ACACA: variants seen among roughly 807,000 people sequenced by gnomAD.
ACACA encodes acetyl-CoA carboxylase alpha.
Under a neutral mutation model 296.1 loss-of-function variants are expected in ACACA, and 103 were observed. The observed-to-expected ratio is 0.35, with a 90% CI of 0.30 to 0.41. ACACA has a LOEUF of 0.41. ACACA is among the 10% of genes least tolerant of loss of function. The pLI is 1.00. For missense variants in ACACA, 1,554 were observed against 2,989.7 expected, an observed-to-expected ratio of 0.52 and a Z score of 11.20; for synonymous variants, 953 against 1,038.6, an observed-to-expected ratio of 0.92 and a Z score of 1.58.
intron 50 of ACACA, among the ~76,000 whole-genome samples, chr17:37,119,286 G>A (rs2074404735): frequency 6.6e-6 from 1 of 151,466 alleles, no homozygotes; most frequent in Admixed American, 6.6e-5. Context: ...CATTTTTCTT[G>A]TCTCTGTGAA....
At chr17:37,214,064 A>C (rs1380630616) in intron 29 of ACACA, among the ~76,000 whole-genome samples, 1 of 152,192 alleles carries the variant, frequency 6.6e-6, no homozygotes, top group Non-Finnish European at 1.5e-5. Flanking sequence ...TCAAGCTGTG[A>C]CTGAAAGCCA....
At chr17:37,331,057 C>T (rs917921238) in intron 2 of ACACA, among the ~76,000 whole-genome samples, 6 of 151,808 alleles carry the variant, frequency 4.0e-5, no homozygotes, top group Non-Finnish European at 7.4e-5. Flanking sequence ...ACTATAGGCA[C>T]GTGCCACCAT....
At chr17:37,132,727 T>G (rs1180997739) in intron 45 of ACACA, among the ~76,000 whole-genome samples, 1 of 152,148 alleles carries the variant, frequency 6.6e-6, no homozygotes, top group Non-Finnish European at 1.5e-5. Flanking sequence ...CTTAGAATCT[T>G]ACACATCTCC....
chr17:37,399,710 G>A (rs1448723049), intron 1 of ACACA, among the ~76,000 whole-genome samples: 10 of 152,108 alleles, frequency 6.6e-5, no homozygotes, highest in Admixed American at 4.6e-4. Flanking sequence ...AGAAGAGATG[G>A]GTAACGAAGG....
rs370349072 is a variant in ACACA, at chr17:37,248,715, A to T, written c.2082-41T>A. On this transcript the variant is annotated intron_variant, in intron 16 of 55. Coordinates refer to ENST00000616317, the MANE Select transcript of ACACA (RefSeq NM_198834.3). ...GAGAGGAACTTACTACAAAGTTCTA[A>T]CAGTTATAAGAGAATCTAAAACATT... is the stretch of plus-strand genomic sequence containing the variant. 1.2e-3 allele frequency: 1,617 copies of T among 1,391,450 alleles called. 19 individuals carry two copies. The South Asian group carries it at 0.018, about 15-fold the overall frequency. 86.2% of individuals were successfully genotyped at this position (1,391,450 alleles called of 1,614,324 possible). A position where few individuals can be genotyped will look rare whatever the true frequency, so the allele number is the denominator to read the frequency against.
Position 37,087,394 on chromosome 17 carries a change from ATGGATGATGG to A in ACACA, c.7064_7073del (p.Ser2355LeufsTer2). 1 of 1,614,092 alleles carries A rather than the reference ATGGATGATGG, an allele frequency of 6.2e-7. No homozygotes were observed. The highest frequency in any genetic ancestry group is 8.5e-7 in the Non-Finnish European group (1 of 1,180,014). On this transcript the variant is annotated frameshift_variant, in exon 56 of 56. Coordinates refer to ENST00000616317, the MANE Select transcript of ACACA (RefSeq NM_198834.3). LOFTEE classifies it high-confidence loss of function. ...GAGTGGGTGATATGTGCTGCGTCAT[ATGGATGATGG>A]AATCCATGGCAACCTCTGGATTGGC... is the stretch of plus-strand genomic sequence containing the variant.
chr17:37,403,031 C>A (rs1268783494), intron 1 of ACACA, among the ~76,000 whole-genome samples: 1 of 152,204 alleles, frequency 6.6e-6, no homozygotes, highest in East Asian at 1.9e-4. Context: ...TGAGGATACA[C>A]TTCAGAGCAC....
intron 1 of ACACA, chr17:37,377,990 A>C: frequency 1.2e-6 from 2 of 1,604,656 alleles, no homozygotes; most frequent in Non-Finnish European, 1.7e-6. Flanking sequence ...CTTTCTGGAA[A>C]ATGATATTGC....
intron 3 of ACACA, among the ~76,000 whole-genome samples, chr17:37,294,776 A>G (rs529749990): frequency 8.5e-5 from 13 of 152,310 alleles, no homozygotes; most frequent in Admixed American, 2.6e-4. Flanking sequence ...TCCCCTTTGG[A>G]GAAGTTGAGG....
chr17:37,386,017 C>T, intron 1 of ACACA: 1 of 1,583,418 alleles, frequency 6.3e-7, no homozygotes, highest in Non-Finnish European at 8.6e-7. Context: ...AGCTTTTTTA[C>T]CAGGGATCTC....
chr17:37,114,930 G>A (rs1370683690), intron 50 of ACACA, among the ~76,000 whole-genome samples: 3 of 152,198 alleles, frequency 2.0e-5, no homozygotes, highest in African/African-American at 7.2e-5. Context: ...GTAGTTACTG[G>A]CAAATTAAAC....
chr17:37,216,575 A>C (rs986842267), intron 29 of ACACA, among the ~76,000 whole-genome samples: 12 of 152,228 alleles, frequency 7.9e-5, no homozygotes, highest in African/African-American at 2.9e-4. Context: ...TAGTCGAATT[A>C]TACCAAAAAA....
chr17:37,144,036 C>CT (rs1469445952), intron 45 of ACACA: 14 of 771,252 alleles, frequency 1.8e-5, no homozygotes, highest in African/African-American at 1.7e-4. Context: ...CCCTGAACTT[C>CT]TTTTTTGTCT....
chr17:37,406,114 GA>G lies in ACACA; in HGVS notation c.38+147del. 3 of 845,394 alleles carry G rather than the reference GA, an allele frequency of 3.5e-6. No individual in the cohort carries two copies. The South Asian group carries it at 4.3e-5, about 12-fold the overall frequency. 52.4% of individuals were successfully genotyped at this position (845,394 alleles called of 1,614,324 possible). ...TAGATTTCTTCACCTGGAAAATAGG[GA>G]TAACAACAGGTGCCTACCTCACAAG... On this transcript the variant is annotated intron_variant, in intron 1 of 55. Transcript: ENST00000616317.
intron 35 of ACACA, among the ~76,000 whole-genome samples, chr17:37,197,898 TAC>T (rs911320547): frequency 2.6e-5 from 4 of 152,250 alleles, no homozygotes; most frequent in African/African-American, 9.6e-5. Flanking sequence ...CAGCTTTTCC[TAC>T]ACTCATGACA....
chr17:37,208,389 T>C (rs532548678), intron 30 of ACACA, among the ~76,000 whole-genome samples: 3 of 152,342 alleles, frequency 2.0e-5, no homozygotes, highest in South Asian at 4.1e-4. Context: ...AAAGGAACTT[T>C]ACTGAGGAAT....
intron 41 of ACACA, among the ~76,000 whole-genome samples, chr17:37,168,444 T>C (rs2144612011): frequency 6.6e-6 from 1 of 152,160 alleles, no homozygotes. Flanking sequence ...AACTACCAAA[T>C]ACTCTTCACT....
chr17:37,290,646 G>C (rs899400505), intron 3 of ACACA, among the ~76,000 whole-genome samples: 2 of 152,112 alleles, frequency 1.3e-5, no homozygotes, highest in African/African-American at 4.8e-5. Context: ...ACTGCCTCAA[G>C]TTAACCTGCA....
chr17:37,330,135 GA>G lies in ACACA; in HGVS notation c.338+37del, dbSNP rs2047806629. The stretch of plus-strand genomic sequence containing the variant: ...AGAACATAATCAGCAAAACTAACAA[GA>G]CAGATTAAATAAGTAGACCATTGAA... On this transcript the variant is annotated intron_variant, in intron 3 of 55. Transcript: ENST00000616317. The G allele has an allele frequency of 1.9e-6, 3 of 1,612,386 alleles. No homozygotes were observed. In the South Asian group the frequency reaches 3.3e-5, roughly 18 times the overall value.
Sources: allele counts gnomAD v4.1 joint callset (sites outside exome capture counted in the v4.1 genomes callset), GRCh38; gene constraint gnomAD v4.1.1; transcripts MANE v1.5; gene names NCBI Gene and HGNC (gene_info 2026-07-23, HGNC 2026-07-21).